Variants in BAZ2B observed in about 807,000 individuals in gnomAD.
BAZ2B encodes the protein bromodomain adjacent to zinc finger domain protein 2B.
A neutral mutation model predicts 246.0 loss-of-function variants in BAZ2B; 91 were observed. The observed-to-expected ratio is 0.37, with a 90% CI of 0.31 to 0.44. The LOEUF (loss-of-function observed/expected upper bound fraction) is 0.44. Ranked by LOEUF, BAZ2B falls within the 20% of genes least tolerant of loss-of-function variation. The pLI is 1.00. For synonymous variants in BAZ2B, 855 were observed against 860.0 expected (o/e 0.99, Z 0.10); for missense variants, 2,332 against 2,533.7 (o/e 0.92, Z 1.71).
chr2:159,315,919 T>G (rs1301811187), downstream of BAZ2B, among the ~76,000 whole-genome samples: 1 of 152,170 alleles, frequency 6.6e-6, no homozygotes, highest in Non-Finnish European at 1.5e-5. Context: ...GAATACCTTA[T>G]AGCAATCAAA....
chr2:159,542,012 G>A (rs1320894075), intron 2 of BAZ2B, among the ~76,000 whole-genome samples: 1 of 152,156 alleles, frequency 6.6e-6, no homozygotes, highest in East Asian at 1.9e-4. Context: ...AGAAATTACA[G>A]AGCTAAAAGT....
chr2:159,535,693 A>G (rs1428165966), intron 2 of BAZ2B, among the ~76,000 whole-genome samples: 1 of 152,236 alleles, frequency 6.6e-6, no homozygotes, highest in African/African-American at 2.4e-5. Flanking sequence ...TGTTACCTAT[A>G]AAAATACAAC....
the BAZ2B span, among the ~76,000 whole-genome samples, chr2:159,707,916 G>A: frequency 1.3e-5 from 2 of 152,104 alleles, no homozygotes; most frequent in Admixed American, 1.3e-4. Flanking sequence ...ACTTGAACCT[G>A]GGAGGTGGAG....
At chr2:159,424,755 T>C (rs1427379446) in intron 13 of BAZ2B, among the ~76,000 whole-genome samples, 1 of 152,222 alleles carries the variant, frequency 6.6e-6, no homozygotes, top group African/African-American at 2.4e-5. Context: ...TATTGGCATA[T>C]AACCTATACC....
intron 10 of BAZ2B, among the ~76,000 whole-genome samples, chr2:159,429,947 A>G (rs1270332650): frequency 2.0e-5 from 3 of 152,210 alleles, no homozygotes; most frequent in Non-Finnish European, 4.4e-5. Flanking sequence ...ACATTGAATG[A>G]GAACTGAGAG....
At chr2:159,417,226 A>G (rs572143642) in intron 13 of BAZ2B, among the ~76,000 whole-genome samples, 1 of 142,346 alleles carries the variant, frequency 7.0e-6, no homozygotes, top group Non-Finnish European at 1.5e-5. Context: ...GCTGTAGTGT[A>G]GTGGTGCAAT....
intron 4 of BAZ2B, among the ~76,000 whole-genome samples, chr2:159,453,260 C>T (rs1417237754): frequency 6.6e-6 from 1 of 151,984 alleles, no homozygotes; most frequent in East Asian, 1.9e-4. Context: ...TTTAAAAAAT[C>T]AAATAAGGCT....
At chr2:159,555,128 A>G (rs1299469851) in intron 2 of BAZ2B, among the ~76,000 whole-genome samples, 1 of 125,850 alleles carries the variant, frequency 7.9e-6, no homozygotes. Context: ...GAGTCTCTCT[A>G]TTGCCCAGGT....
intron 25 of BAZ2B, among the ~76,000 whole-genome samples, chr2:159,376,591 C>T (rs992966419): frequency 3.9e-5 from 6 of 152,154 alleles, no homozygotes; most frequent in African/African-American, 1.4e-4. Context: ...TAAATCTTGA[C>T]TTTTATGTGA....
chr2:159,588,238 G>T (rs1319669455), intron 1 of BAZ2B, among the ~76,000 whole-genome samples: 8 of 137,738 alleles, frequency 5.8e-5, no homozygotes, highest in Non-Finnish European at 1.1e-4. Context: ...AAAAACCCCT[G>T]CTTGCCAAAT....
At chr2:159,479,347 T>C (rs947385255) in intron 2 of BAZ2B, among the ~76,000 whole-genome samples, 1 of 152,218 alleles carries the variant, frequency 6.6e-6, no homozygotes. Context: ...TTGGGCTTTA[T>C]GGTTGTAGCC....
At chr2:159,496,190 AT>A (rs2081110787) in intron 2 of BAZ2B, among the ~76,000 whole-genome samples, 2 of 149,774 alleles carry the variant, frequency 1.3e-5, no homozygotes, top group Non-Finnish European at 3.0e-5. Flanking sequence ...CCTGGCCAAC[AT>A]GGTGAAACCC....
chr2:159,654,662 G>C, the BAZ2B span, among the ~76,000 whole-genome samples: 2 of 152,070 alleles, frequency 1.3e-5, no homozygotes, highest in Non-Finnish European at 2.9e-5. Flanking sequence ...AGAAAGAAAA[G>C]AAAAGAAGAG....
intron 2 of BAZ2B, among the ~76,000 whole-genome samples, chr2:159,543,982 G>A (rs1226880792): frequency 6.6e-6 from 1 of 152,154 alleles, no homozygotes; most frequent in Non-Finnish European, 1.5e-5. Flanking sequence ...ATCTCTAAAT[G>A]CTCTAGCCAA....
chr2:159,347,347 T>C, intron 31 of BAZ2B, 139 bp downstream of exon 31: 1 of 1,046,214 alleles, frequency 9.6e-7, no homozygotes, highest in Non-Finnish European at 1.4e-6. Flanking sequence ...ATGGGGCAAA[T>C]TAATCCAGGA....
At chr2:159,680,015 T>C in the BAZ2B span, among the ~76,000 whole-genome samples, 5 of 152,366 alleles carry the variant, frequency 3.3e-5, no homozygotes, top group South Asian at 8.3e-4. Flanking sequence ...CTGTAATCTA[T>C]AGAAATTATT....
intron 27 of BAZ2B, among the ~76,000 whole-genome samples, chr2:159,362,701 T>C (rs1452735899): frequency 2.6e-5 from 4 of 152,210 alleles, no homozygotes; most frequent in Admixed American, 1.3e-4. Flanking sequence ...GGTAATTCAC[T>C]TGGCAGTTAG....
At chr2:159,644,348 A>G in the BAZ2B span, among the ~76,000 whole-genome samples, 1 of 152,190 alleles carries the variant, frequency 6.6e-6, no homozygotes, top group Non-Finnish European at 1.5e-5. Flanking sequence ...CTAGATCTTA[A>G]GGCTGGAGAT....
chr2:159,474,881 GC>G (rs879114443), intron 3 of BAZ2B, among the ~76,000 whole-genome samples: 5 of 152,100 alleles, frequency 3.3e-5, no homozygotes, highest in Admixed American at 3.3e-4. Context: ...TTGAATATTG[GC>G]CCCCACTCTC....
Sources: allele counts gnomAD v4.1 joint callset (sites outside exome capture counted in the v4.1 genomes callset), GRCh38; gene constraint gnomAD v4.1.1; transcripts MANE v1.5; gene names NCBI Gene and HGNC (gene_info 2026-07-23, HGNC 2026-07-21).